The following PPP2R2A variants were observed in gnomAD, a reference collection of about 807,000 sequenced individuals.
PPP2R2A encodes serine/threonine-protein phosphatase 2A 55 kDa regulatory subunit B alpha isoform.
A neutral mutation model predicts 53.2 loss-of-function variants in PPP2R2A; 9 were observed. The observed-to-expected ratio is 0.17, with a 90% CI of 0.10 to 0.30. The LOEUF is 0.30. PPP2R2A is among the 10% of genes least tolerant of loss of function. The pLI, the probability that PPP2R2A is intolerant of heterozygous loss-of-function variation, is 1.00. For missense variants in PPP2R2A, 235 were observed against 534.6 expected, an observed-to-expected ratio of 0.44 and a Z score of 5.53; for synonymous variants, 169 against 174.2, an observed-to-expected ratio of 0.97 and a Z score of 0.23.
chr8:26,334,785 A>G (rs1162602415), intron 2 of PPP2R2A, among the ~76,000 whole-genome samples: 4 of 151,862 alleles, frequency 2.6e-5, no homozygotes, highest in African/African-American at 9.7e-5. Flanking sequence ...GTCAGTATCC[A>G]CTCTGTAATG....
chr8:26,299,690 A>G (rs1420814501), intron 2 of PPP2R2A, among the ~76,000 whole-genome samples: 1 of 152,166 alleles, frequency 6.6e-6, no homozygotes, highest in Non-Finnish European at 1.5e-5. Flanking sequence ...TAATGTAAAC[A>G]ATTTAAAATC....
intron 2 of PPP2R2A, among the ~76,000 whole-genome samples, chr8:26,302,560 C>T (rs1199522027): frequency 6.6e-6 from 1 of 152,170 alleles, no homozygotes; most frequent in African/African-American, 2.4e-5. Flanking sequence ...TTCCACAAAC[C>T]TTCAAGAATC....
At chr8:26,324,091 A>G (rs1802973022) in intron 2 of PPP2R2A, among the ~76,000 whole-genome samples, 1 of 152,192 alleles carries the variant, frequency 6.6e-6, no homozygotes, top group Non-Finnish European at 1.5e-5. Context: ...TCTTGTTTGC[A>G]TCAAGTTTGC....
At position 26,354,996 on chromosome 8, in the gene PPP2R2A, A is replaced by G. The variant is rs1804696335; in HGVS notation, c.346+363A>G. Among the ~76,000 whole-genome samples the G allele has an allele frequency of 6.6e-6, 1 of 152,226 alleles. No individual in the cohort carries two copies. The highest frequency in any genetic ancestry group is 1.5e-5 in the Non-Finnish European group (1 of 68,032). On this transcript the variant is annotated intron_variant, in intron 4 of 9. Coordinates refer to ENST00000380737, the MANE Select transcript of PPP2R2A (RefSeq NM_002717.4). The surrounding 1 kb of genome is among the most constrained non-coding windows in gnomAD (Gnocchi z 4.6). ...ACTAGAGATAGCAATTTTTTATTATAGTATTATTATGAATATTAAATAACT... is the reference window on the plus strand; with the variant it reads ...ACTAGAGATAGCAATTTTTTATTATGGTATTATTATGAATATTAAATAACT...
intron 2 of PPP2R2A, chr8:26,333,424 A>T (rs1803481136): frequency 1.4e-6 from 1 of 737,394 alleles, no homozygotes; most frequent in Non-Finnish European, 1.9e-6. Flanking sequence ...CTTCAGCTGT[A>T]TTAAAAATTA....
At chr8:26,310,879 G>C (rs1802260883) in intron 2 of PPP2R2A, among the ~76,000 whole-genome samples, 1 of 151,950 alleles carries the variant, frequency 6.6e-6, no homozygotes, top group South Asian at 2.1e-4. Flanking sequence ...TCTTTGTCTA[G>C]TTTTCTTTGG....
At chr8:26,306,958 G>T (rs968515279) in intron 2 of PPP2R2A, among the ~76,000 whole-genome samples, 2 of 152,182 alleles carry the variant, frequency 1.3e-5, no homozygotes, top group African/African-American at 4.8e-5. Context: ...TATCATTCCA[G>T]AAGTATTTTA....
At chr8:26,357,445 A>AT (rs1804847886) in intron 4 of PPP2R2A, among the ~76,000 whole-genome samples, 1 of 152,126 alleles carries the variant, frequency 6.6e-6, no homozygotes, top group South Asian at 2.1e-4. Context: ...TTCCCAGATC[A>AT]TTTTTACTTA....
chr8:26,348,586 A>G (rs1016430272), intron 3 of PPP2R2A, among the ~76,000 whole-genome samples: 1 of 152,236 alleles, frequency 6.6e-6, no homozygotes, highest in East Asian at 1.9e-4. Flanking sequence ...ATTCCAAAAT[A>G]TGGAAAAAAA....
chr8:26,311,109 G>T (rs1802272305), intron 2 of PPP2R2A, among the ~76,000 whole-genome samples: 1 of 152,064 alleles, frequency 6.6e-6, no homozygotes, highest in Non-Finnish European at 1.5e-5. Context: ...TTTGAGAATT[G>T]CTGTGTTTTA....
chr8:26,340,451 A>G (rs1803883951), intron 3 of PPP2R2A, among the ~76,000 whole-genome samples: 2 of 152,036 alleles, frequency 1.3e-5, no homozygotes, highest in South Asian at 4.1e-4. Flanking sequence ...TTTTACTGAA[A>G]GTTATTGACT....
intron 3 of PPP2R2A, among the ~76,000 whole-genome samples, chr8:26,350,331 G>C (rs1191206785): frequency 6.6e-6 from 1 of 152,170 alleles, no homozygotes; most frequent in Non-Finnish European, 1.5e-5. Flanking sequence ...CCAAAGTGCT[G>C]GGATTACAGG....
intron 3 of PPP2R2A, among the ~76,000 whole-genome samples, chr8:26,352,573 C>CTT (rs1000566823): frequency 2.6e-5 from 4 of 152,172 alleles, no homozygotes; most frequent in Non-Finnish European, 5.9e-5. Context: ...GCATCTTGAG[C>CTT]TTTTTAGACA....
intron 8 of PPP2R2A, 113 bp from the exon 9 acceptor site, chr8:26,366,202 G>T (rs933679896): frequency 5.2e-6 from 4 of 767,560 alleles, no homozygotes; most frequent in Non-Finnish European, 8.6e-6. Context: ...AGATTAATAG[G>T]TTTAAAAGGT....
At position 26,364,562 on chromosome 8, in the gene PPP2R2A, C is replaced by T. The variant is rs532878385; in HGVS notation, c.972+672C>T. ...GCCCTAGACTGCAGTGTTGAAATCA[C>T]TTAACTCTAATTTATACATATACTT... On this transcript the variant is annotated intron_variant, in intron 8 of 9. Transcript: ENST00000380737. 2.0e-5 allele frequency among the ~76,000 whole-genome samples: 3 copies of T among 152,346 alleles called. No homozygotes were observed. In the South Asian group the frequency reaches 6.2e-4, roughly 32 times the overall value.
At chr8:26,302,341 A>G (rs934304071) in intron 2 of PPP2R2A, among the ~76,000 whole-genome samples, 12 of 152,222 alleles carry the variant, frequency 7.9e-5, no homozygotes, top group African/African-American at 2.9e-4. Context: ...AATACTTAAA[A>G]TATTTTTTCA....
At chr8:26,334,588 AC>A (rs1464927275) in intron 2 of PPP2R2A, among the ~76,000 whole-genome samples, 2 of 152,076 alleles carry the variant, frequency 1.3e-5, no homozygotes, top group African/African-American at 2.4e-5. Flanking sequence ...TACTAAAAAT[AC>A]AAAAAATTAG....
rs79304721 is a variant in PPP2R2A, at chr8:26,353,879, G to A, written c.181-589G>A. Among the ~76,000 whole-genome samples, 25 of 152,300 alleles carry A rather than the reference G, an allele frequency of 1.6e-4. No homozygotes were observed. In the East Asian group the frequency reaches 4.4e-3, roughly 27 times the overall value. On this transcript the variant is annotated intron_variant, in intron 3 of 9. Coordinates refer to ENST00000380737, the MANE Select transcript of PPP2R2A (RefSeq NM_002717.4). ...GTGCTGAATATGGACTTGATTGGTA[G>A]CAAAGCTGTCTGGAACAGTGGTCTT...
At chr8:26,361,966 A>AAT (rs942279422) in intron 6 of PPP2R2A, among the ~76,000 whole-genome samples, 21 of 149,494 alleles carry the variant, frequency 1.4e-4, no homozygotes, top group Admixed American at 2.0e-4. Context: ...TGTCTCAAAA[A>AAT]ATATATATAT....
Sources: gnomAD v4.1 joint callset for allele counts (sites outside exome capture counted in the v4.1 genomes callset) on GRCh38, gnomAD v4.1.1 for gene constraint, Gnocchi (gnomAD v3.1) non-coding constraint, MANE v1.5 for transcripts, NCBI Gene and HGNC (gene_info 2026-07-23, HGNC 2026-07-21) for gene names.